DMD: variants seen among roughly 807,000 people sequenced by gnomAD.
DMD encodes the protein mutant dystrophin.
A neutral mutation model predicts 330.1 loss-of-function variants in DMD; 63 were observed. The ratio of observed to expected loss-of-function variants is 0.19; its 90% CI spans 0.16 to 0.24. The LOEUF (loss-of-function observed/expected upper bound fraction) is 0.24, where lower values mean the gene tolerates loss of function less well. Among genes scored for constraint, DMD ranks in the 10% least tolerant of loss-of-function variants. The pLI, the probability that DMD is intolerant of heterozygous loss-of-function variation, is 1.00. For synonymous variants in DMD, 1,223 were observed against 959.8 expected, an observed-to-expected ratio of 1.27 and a Z score of -5.07; for missense variants, 3,344 against 2,684.1, an observed-to-expected ratio of 1.25 and a Z score of -5.43.
At chrX:32,592,016 C>G (rs2054976418) in intron 13 of DMD, among the ~76,000 whole-genome samples, 1 of 112,257 alleles carries the variant, frequency 8.9e-6, no homozygotes, top group Non-Finnish European at 1.9e-5. Context: ...GGACTTTGGG[C>G]ACTGATGAGC....
intron 1 of DMD, among the ~76,000 whole-genome samples, chrX:33,167,732 C>G (rs1569557145): frequency 9.0e-6 from 1 of 110,554 alleles, no homozygotes; most frequent in Non-Finnish European, 1.9e-5. Context: ...AATATCATGT[C>G]TAGTAAGAGC....
chrX:32,941,904 A>G (rs1392231543), intron 2 of DMD, among the ~76,000 whole-genome samples: 1 of 111,552 alleles, frequency 9.0e-6, no homozygotes, highest in Non-Finnish European at 1.9e-5. Flanking sequence ...ATTTCTTCCA[A>G]CTTGAAGTCC....
At chrX:31,427,381 G>A (rs993082628) in intron 60 of DMD, among the ~76,000 whole-genome samples, 7 of 111,319 alleles carry the variant, frequency 6.3e-5, no homozygotes, top group African/African-American at 1.6e-4. Flanking sequence ...TTTCTGGGGG[G>A]CTCACATCTC....
chrX:32,240,248 T>C (rs1045770090), intron 43 of DMD, among the ~76,000 whole-genome samples: 3 of 111,921 alleles, frequency 2.7e-5, no homozygotes, highest in Non-Finnish European at 5.6e-5. Flanking sequence ...TCTGAGTGTG[T>C]TCTTGCAAAA....
intron 52 of DMD, among the ~76,000 whole-genome samples, chrX:31,717,483 C>A (rs2085150213): frequency 8.9e-6 from 1 of 112,179 alleles, no homozygotes; most frequent in Non-Finnish European, 1.9e-5. Flanking sequence ...TTTACAAATT[C>A]TTGTAATCAT....
chrX:31,389,581 A>G (rs924466565), intron 60 of DMD, among the ~76,000 whole-genome samples: 7 of 112,236 alleles, frequency 6.2e-5, no homozygotes, highest in Non-Finnish European at 1.1e-4. Flanking sequence ...TTATCCATTG[A>G]TTAGCTTAGT....
At chrX:32,881,981 T>A (rs1436770011) in intron 2 of DMD, among the ~76,000 whole-genome samples, 2 of 112,528 alleles carry the variant, frequency 1.8e-5, no homozygotes, top group African/African-American at 6.5e-5. Flanking sequence ...ACTGTCCTTA[T>A]TAGCAGTTCC....
chrX:32,606,093 T>A (rs2056673792), intron 12 of DMD, among the ~76,000 whole-genome samples: 1 of 110,525 alleles, frequency 9.0e-6, no homozygotes, highest in Non-Finnish European at 1.9e-5. Context: ...TGACCATAGT[T>A]ACTGTATGAT....
intron 1 of DMD, among the ~76,000 whole-genome samples, chrX:33,057,621 C>G (rs753187098): frequency 9.0e-6 from 1 of 111,139 alleles, no homozygotes; most frequent in African/African-American, 3.3e-5. Flanking sequence ...ATTGCAGCAC[C>G]CTGTAAGTCT....
chrX:33,021,498 C>A (rs1027289183), intron 1 of DMD, among the ~76,000 whole-genome samples: 3 of 111,146 alleles, frequency 2.7e-5, no homozygotes, highest in African/African-American at 9.8e-5. Flanking sequence ...TATTAAAATG[C>A]CCTTTACAAA....
chrX:31,504,746 A>T (rs796611693), intron 56 of DMD, among the ~76,000 whole-genome samples: 2 of 112,117 alleles, frequency 1.8e-5, no homozygotes, highest in South Asian at 3.7e-4. Flanking sequence ...CCCTAATTTC[A>T]ATCAAGTGTC....
At chrX:32,801,572 A>T (rs1351007877) in intron 7 of DMD, among the ~76,000 whole-genome samples, 2 of 112,039 alleles carry the variant, frequency 1.8e-5, no homozygotes, top group African/African-American at 6.5e-5. Context: ...TTCAGTCATG[A>T]AGTCTTTGCC....
chrX:32,127,660 G>C (rs1259045474), intron 44 of DMD, among the ~76,000 whole-genome samples: 1 of 111,633 alleles, frequency 9.0e-6, no homozygotes, highest in Non-Finnish European at 1.9e-5. Context: ...ATATCCAGCT[G>C]TGTTTATCTC....
At chrX:32,512,535 C>T (rs1375839009) in intron 18 of DMD, among the ~76,000 whole-genome samples, 1 of 112,340 alleles carries the variant, frequency 8.9e-6, no homozygotes, top group African/African-American at 3.2e-5. Flanking sequence ...AAAACACACA[C>T]ACATAAAACC....
intron 7 of DMD, among the ~76,000 whole-genome samples, chrX:32,764,422 C>T (rs1202309062): frequency 1.8e-5 from 2 of 111,107 alleles, no homozygotes; most frequent in African/African-American, 6.5e-5. Context: ...TTATCTTCCC[C>T]CAAAAAACTT....
intron 44 of DMD, among the ~76,000 whole-genome samples, chrX:32,179,190 A>C (rs763427541): frequency 9.0e-6 from 1 of 111,303 alleles, no homozygotes; most frequent in East Asian, 2.8e-4. Context: ...TTACTTTGTA[A>C]GTTCTTTTAT....
intron 1 of DMD, among the ~76,000 whole-genome samples, chrX:33,302,194 A>C (rs1282018173): frequency 9.0e-6 from 1 of 111,433 alleles, no homozygotes; most frequent in Non-Finnish European, 1.9e-5. Flanking sequence ...GGTCATTTCC[A>C]CTTTTCTTAA....
chrX:32,743,032 G>C (rs1008194235), intron 7 of DMD, among the ~76,000 whole-genome samples: 5 of 110,945 alleles, frequency 4.5e-5, no homozygotes, highest in Non-Finnish European at 9.4e-5. Context: ...TGAGTCCTTC[G>C]CATTTCAGTG....
chrX:32,864,559 C>T (rs138929351), intron 2 of DMD, among the ~76,000 whole-genome samples: 1,164 of 111,759 alleles, frequency 0.01, 14 homozygotes, highest in African/African-American at 0.032. Context: ...ATTGTAGGTC[C>T]CATTTGTAAT....
Sources: allele counts gnomAD v4.1 joint callset (sites outside exome capture counted in the v4.1 genomes callset), GRCh38; gene constraint gnomAD v4.1.1; transcripts MANE v1.5; gene names NCBI Gene and HGNC (gene_info 2026-07-23, HGNC 2026-07-21).